The following RABGAP1L variants were observed in gnomAD, a reference collection of about 807,000 sequenced individuals.
RABGAP1L encodes the protein RAB GTPase activating protein 1 like.
Under a neutral mutation model 137.7 loss-of-function variants are expected in RABGAP1L, and 63 were observed. That is an observed-to-expected ratio of 0.46 (90% CI 0.37 to 0.56). The LOEUF (loss-of-function observed/expected upper bound fraction) is 0.56, where lower values mean the gene tolerates loss of function less well. RABGAP1L is among the 20% of genes least tolerant of loss of function. The pLI is 0.00. For synonymous variants in RABGAP1L, 431 were observed against 433.7 expected (o/e 0.99, Z 0.08); for missense variants, 1,095 against 1,244.0 (o/e 0.88, Z 1.80).
At chr1:174,653,227 G>T (rs1557953357) in intron 14 of RABGAP1L, among the ~76,000 whole-genome samples, 1 of 152,316 alleles carries the variant, frequency 6.6e-6, no homozygotes. Context: ...ATCTTAGCTT[G>T]CTGGGCTCCA....
At chr1:174,434,102 T>TAC (rs1400358664) in intron 13 of RABGAP1L, among the ~76,000 whole-genome samples, 128 of 102,830 alleles carry the variant, frequency 1.2e-3, no homozygotes, top group African/African-American at 5.3e-3. Context: ...CGCATGCGTG[T>TAC]ACACATACAC....
chr1:174,563,545 A>G (rs1667366217), intron 13 of RABGAP1L, among the ~76,000 whole-genome samples: 1 of 152,200 alleles, frequency 6.6e-6, no homozygotes, highest in Admixed American at 6.5e-5. Flanking sequence ...AAATTAGCGT[A>G]TGCAAAGCAT....
intron 20 of RABGAP1L, chr1:174,964,906 A>C (rs878861513): frequency 6.8e-7 from 1 of 1,474,804 alleles, no homozygotes; most frequent in Admixed American, 2.4e-5. Flanking sequence ...TAGGTGTTCA[A>C]TTTCATTGGA....
chr1:174,357,860 T>G (rs1571386428), intron 11 of RABGAP1L, among the ~76,000 whole-genome samples: 2 of 152,262 alleles, frequency 1.3e-5, no homozygotes, highest in African/African-American at 4.8e-5. Context: ...TAATGGCTTA[T>G]GATAGCTAAC....
At chr1:174,786,752 A>G (rs1687474433) in intron 18 of RABGAP1L, among the ~76,000 whole-genome samples, 1 of 152,188 alleles carries the variant, frequency 6.6e-6, no homozygotes, top group South Asian at 2.1e-4. Flanking sequence ...CTTTCTTCTT[A>G]CTAATTTAGA....
intron 13 of RABGAP1L, among the ~76,000 whole-genome samples, chr1:174,475,811 G>T (rs959708220): frequency 2.6e-4 from 38 of 144,676 alleles, no homozygotes; most frequent in African/African-American, 9.1e-4. Context: ...TCAGATCTTT[G>T]GCCATTTGCT....
chr1:174,667,131 AAT>A (rs1406004796), intron 14 of RABGAP1L, among the ~76,000 whole-genome samples: 4 of 152,192 alleles, frequency 2.6e-5, no homozygotes, highest in South Asian at 4.1e-4. Flanking sequence ...CATGATAATT[AAT>A]ATGTTACATA....
rs1672199760 is a variant in RABGAP1L at position 174,993,696 on chromosome 1, GATT to G, written c.*3697_*3699del. 1 of 152,206 alleles carries G rather than the reference GATT, an allele frequency of 6.6e-6. No homozygotes were observed. Among genetic ancestry groups the G allele is most frequent in the Non-Finnish European group, 1.5e-5 (1 of 68,042 alleles). 9.4% of individuals were successfully genotyped at this position (152,206 alleles called of 1,614,324 possible). A position where few individuals can be genotyped will look rare whatever the true frequency, so the allele number is the denominator to read the frequency against. ...GCATCAAACACTTAGGTACCTGCCT[GATT>G]AGGGGGGCCCCTTTAAGGGAAAAAA... On this transcript the variant is annotated 3_prime_UTR_variant, in exon 26 of 26. Transcript: ENST00000681986.
intron 13 of RABGAP1L, among the ~76,000 whole-genome samples, chr1:174,600,091 A>G (rs1670299323): frequency 6.6e-6 from 1 of 152,170 alleles, no homozygotes; most frequent in South Asian, 2.1e-4. Context: ...GGCACTTCTT[A>G]TATGGCAGCA....
chr1:174,985,099 A>G (rs1671470062), intron 24 of RABGAP1L, among the ~76,000 whole-genome samples: 1 of 152,198 alleles, frequency 6.6e-6, no homozygotes, highest in South Asian at 2.1e-4. Context: ...GCCAGAATAA[A>G]GAAGAACAAC....
chr1:174,410,272 G>A lies in RABGAP1L; in HGVS notation c.1710+16127G>A, dbSNP rs747047697. ...TGAAATATTGGGGGTGGGTTCCCCCGATAAATTATTTCCCAAGGCTGATGT... is the reference window on the plus strand; with the variant it reads ...TGAAATATTGGGGGTGGGTTCCCCCAATAAATTATTTCCCAAGGCTGATGT... On this transcript the variant is annotated intron_variant, in intron 13 of 25. Transcript: ENST00000681986. 2.6e-5 allele frequency among the ~76,000 whole-genome samples: 4 copies of A among 152,084 alleles called. No individual in the cohort carries two copies. The South Asian group carries it at 6.2e-4, about 24-fold the overall frequency.
At chr1:174,496,589 C>T (rs1294644250) in intron 13 of RABGAP1L, among the ~76,000 whole-genome samples, 1 of 152,178 alleles carries the variant, frequency 6.6e-6, no homozygotes, top group Non-Finnish European at 1.5e-5. Flanking sequence ...AGCCAAATCT[C>T]AGTGAACACA....
chr1:174,793,056 C>T (rs1228564187), intron 18 of RABGAP1L, among the ~76,000 whole-genome samples: 5 of 151,868 alleles, frequency 3.3e-5, no homozygotes, highest in African/African-American at 9.7e-5. Flanking sequence ...CACTTGAACT[C>T]AGGAGGCAGA....
intron 18 of RABGAP1L, among the ~76,000 whole-genome samples, chr1:174,781,997 C>T (rs549039861): frequency 9.2e-5 from 14 of 152,120 alleles, no homozygotes; most frequent in Non-Finnish European, 1.3e-4. Context: ...AGTAAGGTAG[C>T]GTGATGCCTC....
At chr1:174,636,182 A>C (rs995182999) in intron 13 of RABGAP1L, among the ~76,000 whole-genome samples, 3 of 152,164 alleles carry the variant, frequency 2.0e-5, no homozygotes, top group African/African-American at 7.2e-5. Context: ...ATTTCACTCA[A>C]TTTGGGGTTT....
intron 20 of RABGAP1L, among the ~76,000 whole-genome samples, chr1:174,967,637 C>G (rs760530213): frequency 7.2e-5 from 11 of 152,016 alleles, no homozygotes; most frequent in Non-Finnish European, 1.2e-4. Flanking sequence ...CTGTGCCCAG[C>G]TGTACCCAGC....
At chr1:174,862,903 CT>C (rs914680681) in intron 19 of RABGAP1L, among the ~76,000 whole-genome samples, 23 of 147,950 alleles carry the variant, frequency 1.6e-4, no homozygotes, top group East Asian at 4.0e-4. Context: ...TAATTCTTTT[CT>C]TTTTTTTTTA....
At chr1:174,860,699 A>T (rs1351704403) in intron 19 of RABGAP1L, among the ~76,000 whole-genome samples, 1 of 152,204 alleles carries the variant, frequency 6.6e-6, no homozygotes, top group Non-Finnish European at 1.5e-5. Flanking sequence ...TTGAATTGAT[A>T]TAGTAAGATC....
chr1:174,614,377 A>G (rs1358736928), intron 13 of RABGAP1L, among the ~76,000 whole-genome samples: 1 of 152,184 alleles, frequency 6.6e-6, no homozygotes, highest in Non-Finnish European at 1.5e-5. Context: ...AGAATGTTGA[A>G]TATTGGCCCC....
Sources: gnomAD v4.1 joint callset for allele counts (sites outside exome capture counted in the v4.1 genomes callset) on GRCh38, gnomAD v4.1.1 for gene constraint, MANE v1.5 for transcripts, NCBI Gene and HGNC (gene_info 2026-07-23, HGNC 2026-07-21) for gene names.